Variants in ITPR3 observed in about 807,000 individuals in gnomAD.
ITPR3 encodes the protein inositol 1,4,5-trisphosphate-gated calcium channel ITPR3.
In ITPR3, 173 loss-of-function variants were observed where a neutral mutation model predicts 293.2. The ratio of observed to expected loss-of-function variants is 0.59; its 90% confidence interval spans 0.52 to 0.67. The LOEUF is 0.67. Among genes scored for constraint, ITPR3 ranks in the 30% least tolerant of loss-of-function variants. The pLI, the probability that ITPR3 is intolerant of heterozygous loss-of-function variation, is 0.00. For synonymous variants in ITPR3, 1,295 were observed against 1,444.4 expected (o/e 0.90, Z 2.35); for missense variants, 2,796 against 3,592.1 (o/e 0.78, Z 5.66).
rs6901411 is a variant in ITPR3, at chr6:33,665,750, A to G, written c.1410-85A>G. The G allele has an allele frequency of 0.29, 432,772 of 1,488,066 alleles. 66,060 individuals are homozygous for G. Among genetic ancestry groups the G allele is most frequent in the East Asian group, 0.44 (19,046 of 43,546 alleles). The allele number at this position is 1,488,066 out of a possible 1,614,324, so 92.2% of individuals were successfully genotyped here. A position where few individuals can be genotyped will look rare whatever the true frequency, so the allele number is the denominator to read the frequency against. ...GCCGCTGAGTGAACTCATGAAAGCC[A>G]TGTTTTGGGAGGGACTGGCTCCCCA... On this transcript the variant is annotated intron_variant, in intron 13 of 57. Coordinates refer to ENST00000605930, the MANE Select transcript of ITPR3 (RefSeq NM_002224.4).
intron 30 of ITPR3, 40 bp downstream of exon 30, chr6:33,678,879 G>C (rs760171053): frequency 6.3e-7 from 1 of 1,579,170 alleles, no homozygotes; most frequent in Non-Finnish European, 8.6e-7. Flanking sequence ...ATCTTGGGGT[G>C]GGGGACCGGA....
At position 33,683,974 on chromosome 6, in the gene ITPR3, G is replaced by A. The variant is rs376960318; in HGVS notation, c.4789-46G>A. On this transcript the variant is annotated intron_variant, in intron 35 of 57. Transcript: ENST00000605930. The surrounding 1 kb of genome is among the most constrained non-coding windows in gnomAD (Gnocchi z 4.5). ...GGTCGGAGGAATGGCAGTCACACCC[G>A]GGTCATTTCTTGGGCCTGGCAATGA... 5.9e-5 allele frequency: 91 copies of A among 1,552,462 alleles called. No individual in the cohort carries two copies. Among genetic ancestry groups the A allele is most frequent in the Non-Finnish European group, 7.5e-5 (86 of 1,148,934 alleles).
intron 2 of ITPR3, among the ~76,000 whole-genome samples, chr6:33,642,134 C>T (rs1763966723): frequency 6.6e-6 from 1 of 152,212 alleles, no homozygotes; most frequent in African/African-American, 2.4e-5. Context: ...TCTTGCCCTG[C>T]CCCTCACTCA....
chr6:33,629,530 G>T (rs892576361), intron 1 of ITPR3, among the ~76,000 whole-genome samples: 3 of 151,008 alleles, frequency 2.0e-5, no homozygotes, highest in African/African-American at 7.3e-5. Flanking sequence ...GCCCAGGCTA[G>T]AGTGCAATGG....
chr6:33,684,422 C>A lies in ITPR3; in HGVS notation c.5003C>A (p.Thr1668Asn), dbSNP rs756353157. The A allele has an allele frequency of 6.2e-7, 1 of 1,614,056 alleles. No individual in the cohort carries two copies. The highest frequency in any genetic ancestry group is 1.3e-5 in the African/African-American group (1 of 75,030). Residue 1668 changes from threonine (T) to asparagine (N), a missense_variant, in exon 37 of 58, where the codon ACC becomes AAC. By Grantham distance (65) the Thr-to-Asn change is moderately conservative. Transcript: ENST00000605930. This position sits in a 1 kb window ranked among gnomAD's most constrained non-coding sequence, Gnocchi z 4.2. Reference sequence around the variant, plus strand: ...AAGCTGTGCATCAAGGTGCTGCGGACCCTGCAGCAGATGCTGCTCAAGAAG... The same window carrying A: ...AAGCTGTGCATCAAGGTGCTGCGGAACCTGCAGCAGATGCTGCTCAAGAAG... ...EEKLCIKVLR[T>N]LQQMLLKKTK...
At chr6:33,636,549 A>C (rs562617466) in intron 1 of ITPR3, among the ~76,000 whole-genome samples, 1 of 151,988 alleles carries the variant, frequency 6.6e-6, no homozygotes, top group South Asian at 2.1e-4. Context: ...AGTGGAAGGG[A>C]GGAGCCAAGG....
rs764750465 is a variant in ITPR3, at chr6:33,695,775, C to T, written c.8011C>T (p.Arg2671Cys). Residue 2671 changes from arginine to cysteine, a missense_variant, in exon 58 of 58, where the codon CGC (arginine) becomes TGC (cysteine). Coordinates refer to ENST00000605930, the MANE Select transcript of ITPR3 (RefSeq NM_002224.4). ...TGTGGATGTCCAGAACTGCATTAGC[C>T]GCTGAGGAGAGCCACCGAAGGCCCC... Reference protein sequence around the residue: ...GFVDVQNCISR With the variant: ...GFVDVQNCISC 25 of 1,613,948 alleles carry T rather than the reference C, an allele frequency of 1.5e-5. No homozygotes were observed. Among genetic ancestry groups the T allele is most frequent in the East Asian group, 6.7e-5 (3 of 44,898 alleles).
Position 33,665,977 on chromosome 6 carries a change from G to T in ITPR3, c.1551+1G>T, listed in dbSNP as rs757792500. Reference sequence around the variant, plus strand: ...GAGGGAGCAGAACATCCTCAAACAGGTGCGTGTGCACCCATGAGGGGACGC... The same window carrying T: ...GAGGGAGCAGAACATCCTCAAACAGTTGCGTGTGCACCCATGAGGGGACGC... On this transcript the variant is annotated splice_donor_variant, in intron 14 of 57. Transcript: ENST00000605930. LOFTEE classifies it high-confidence loss of function. The T allele has an allele frequency of 1.2e-6, 2 of 1,602,470 alleles. No individual in the cohort carries two copies. Among genetic ancestry groups the T allele is most frequent in the East Asian group, 2.3e-5 (1 of 44,188 alleles).
chr6:33,694,811 GAGT>G (rs1765494171), intron 56 of ITPR3, 110 bp from the exon 57 acceptor site: 2 of 1,321,600 alleles, frequency 1.5e-6, no homozygotes, highest in Admixed American at 1.9e-5. Context: ...CATCCCTGAC[GAGT>G]AGTTTTGTTA....
In ITPR3 at chr6:33,680,593, C is replaced by T. The variant is rs772164685; in HGVS notation, c.4389C>T (p.Thr1463=). The change falls in exon 33 of 58, where the codon ACC becomes ACT. Residue 1463 remains threonine, a synonymous_variant. Coordinates refer to ENST00000605930, the MANE Select transcript of ITPR3 (RefSeq NM_002224.4). ...GTGAGAAGCGCGTGGCTGACCCCAC[C>T]TTGGAGAAGTACGTGCTGAGCGTTG... The part of the protein sequence containing the change: ...SKREKRVADP[T]LEKYVLSVVL... 6.2e-7 allele frequency: 1 copy of T among 1,614,114 alleles called. No individual in the cohort carries two copies. The highest frequency in any genetic ancestry group is 8.5e-7 in the Non-Finnish European group (1 of 1,180,012).
rs565467761 is a variant in ITPR3, at chr6:33,671,643, C to T, written c.2728+337C>T. 6.6e-5 allele frequency among the ~76,000 whole-genome samples: 10 copies of T among 152,272 alleles called. No homozygotes were observed. The South Asian group carries it at 1.9e-3, about 28-fold the overall frequency. On this transcript the variant is annotated intron_variant, in intron 21 of 57. Coordinates refer to ENST00000605930, the MANE Select transcript of ITPR3 (RefSeq NM_002224.4). ...TCTGAGGGTTGAGCGGCAGCCCTGC[C>T]CTCCCAGACACTCCCAGGCTGCATA...
Position 33,674,248 on chromosome 6 carries a change from G to T in ITPR3, c.3099G>T (p.Glu1033Asp), listed in dbSNP as rs1245865884. ...TGGATCGCATCGGGGAGCAGGCGGA[G>T]GCCATGTTTGGAGTGGGGTGAGGCC... Reference protein sequence around the residue: ...MNLDRIGEQAEAMFGVGKTSS... With the variant: ...MNLDRIGEQADAMFGVGKTSS... Residue 1033 changes from glutamate to aspartate, a missense_variant, in exon 24 of 58, where the codon GAG becomes GAT. Physicochemically the swap from Glu to Asp is conservative, Grantham distance 45. Transcript: ENST00000605930. The T allele has an allele frequency of 6.2e-7, 1 of 1,613,990 alleles. No homozygotes were observed. Among genetic ancestry groups the T allele is most frequent in the Non-Finnish European group, 8.5e-7 (1 of 1,180,002 alleles).
chr6:33,658,918 C>T lies in ITPR3; in HGVS notation c.528+90C>T. The T allele has an allele frequency of 1.3e-6, 2 of 1,597,152 alleles. No homozygotes were observed. Among genetic ancestry groups the T allele is most frequent in the Non-Finnish European group, 1.7e-6 (2 of 1,167,286 alleles). On this transcript the variant is annotated intron_variant, in intron 5 of 57. Transcript: ENST00000605930. This position sits in a 1 kb window ranked among gnomAD's most constrained non-coding sequence, Gnocchi z 6.1. ...GGTGTGGGGACTGGATAAGGGCATG[C>T]CCATTTCTTAGAAGGGCAGACTGAG... is the stretch of plus-strand genomic sequence containing the variant.
Position 33,667,728 on chromosome 6 carries a change from A to G in ITPR3, c.1714-64A>G. 1 of 1,581,564 alleles carries G rather than the reference A, an allele frequency of 6.3e-7. No homozygotes were observed. Among genetic ancestry groups the G allele is most frequent in the Non-Finnish European group, 8.6e-7 (1 of 1,157,648 alleles). On this transcript the variant is annotated intron_variant, in intron 15 of 57. Transcript: ENST00000605930. The surrounding 1 kb of genome is among the most constrained non-coding windows in gnomAD (Gnocchi z 4.4). ...TCGGGGTTTGGGGGCAGCGTTCCAGAGCAGAGCTGGGCCCTTGGCCCACCT... is the reference window on the plus strand; with the variant it reads ...TCGGGGTTTGGGGGCAGCGTTCCAGGGCAGAGCTGGGCCCTTGGCCCACCT...
chr6:33,690,377 G>A (rs1765358315), intron 51 of ITPR3, among the ~76,000 whole-genome samples, 179 bp downstream of exon 51: 1 of 152,134 alleles, frequency 6.6e-6, no homozygotes. Flanking sequence ...TCAAGGCCCT[G>A]ATGGCCACTC....
chr6:33,690,295 C>A, intron 51 of ITPR3, 97 bp downstream of exon 51: 1 of 1,167,396 alleles, frequency 8.6e-7, no homozygotes, highest in Non-Finnish European at 1.2e-6. Flanking sequence ...GTCTGTCTGT[C>A]CAGTCCTTTT....
rs1025337068 is a variant in ITPR3 at position 33,621,794 on chromosome 6, A to G, written c.89+103A>G. ...CCGCCGCCCCCCGATAGAGGCCTGG[A>G]CGTCCCCCTAGTCTCAAGGAGCGGG... On this transcript the variant is annotated intron_variant, in intron 1 of 57. Transcript: ENST00000605930. This position sits in a 1 kb window ranked among gnomAD's most constrained non-coding sequence, Gnocchi z 7.7. 5 of 810,908 alleles carry G rather than the reference A, an allele frequency of 6.2e-6. No homozygotes were observed. Among genetic ancestry groups the G allele is most frequent in the Admixed American group, 4.6e-5 (2 of 43,322 alleles). 50.2% of individuals were successfully genotyped at this position (810,908 alleles called of 1,614,324 possible).
At position 33,679,710 on chromosome 6, in the gene ITPR3, G is replaced by A. The variant is rs1409801594; in HGVS notation, c.3973-172G>A. Among the ~76,000 whole-genome samples, 1 of 152,130 alleles carries A rather than the reference G, an allele frequency of 6.6e-6. No homozygotes were observed. The highest frequency in any genetic ancestry group is 2.4e-5 in the African/African-American group (1 of 41,428). ...TGGGGTCAATATCTCTGCTGGCAGA[G>A]GGCCTGAGACATCAGCTGGGGAACC... On this transcript the variant is annotated intron_variant, in intron 30 of 57. Coordinates refer to ENST00000605930, the MANE Select transcript of ITPR3 (RefSeq NM_002224.4). This position sits in a 1 kb window ranked among gnomAD's most constrained non-coding sequence, Gnocchi z 4.2.
chr6:33,663,981 G>T (rs547340097), intron 11 of ITPR3, 101 bp downstream of exon 11: 2 of 1,444,168 alleles, frequency 1.4e-6, no homozygotes, highest in Non-Finnish European at 1.9e-6. Flanking sequence ...GCCCTCCTGC[G>T]GTCCTTTAGC....
Sources: gnomAD v4.1 joint callset for allele counts (sites outside exome capture counted in the v4.1 genomes callset) on GRCh38, gnomAD v4.1.1 for gene constraint, Gnocchi (gnomAD v3.1) non-coding constraint, MANE v1.5 for transcripts, NCBI Gene and HGNC (gene_info 2026-07-23, HGNC 2026-07-21) for gene names.